VAT1L: variants seen among roughly 807,000 people sequenced by gnomAD.
VAT1L encodes the protein putative NADPH-dependent quinone oxidoreductase VAT1L.
Under a neutral mutation model 44.1 loss-of-function variants are expected in VAT1L, and 34 were observed. The observed-to-expected ratio is 0.77, with a 90% confidence interval of 0.59 to 1.03. VAT1L has a LOEUF of 1.03. VAT1L is among the 50% of genes least tolerant of loss of function. The pLI, the probability that VAT1L is intolerant of heterozygous loss-of-function variation, is 0.00. For synonymous variants in VAT1L, 253 were observed against 202.2 expected (o/e 1.25, Z -2.13); for missense variants, 615 against 538.8 (o/e 1.14, Z -1.40).
intron 7 of VAT1L, among the ~76,000 whole-genome samples, chr16:77,966,727 G>T (rs2018226489): frequency 6.6e-6 from 1 of 152,124 alleles, no homozygotes; most frequent in Non-Finnish European, 1.5e-5. Context: ...AACTCTTACT[G>T]AAATAGTTTG....
At chr16:77,806,080 C>G (rs917334433) in intron 1 of VAT1L, among the ~76,000 whole-genome samples, 2 of 151,724 alleles carry the variant, frequency 1.3e-5, no homozygotes, top group African/African-American at 4.8e-5. Flanking sequence ...TCAAGCTGGT[C>G]TTGAACTCCT....
At chr16:77,916,412 T>C (rs1376899167) in intron 7 of VAT1L, among the ~76,000 whole-genome samples, 2 of 152,198 alleles carry the variant, frequency 1.3e-5, no homozygotes, top group African/African-American at 2.4e-5. Flanking sequence ...GCTCTTGTCT[T>C]CTCCGCTTTT....
chr16:77,839,116 G>C lies in VAT1L; in HGVS notation c.579+13655G>C, dbSNP rs2016673461. Among the ~76,000 whole-genome samples the C allele has an allele frequency of 2.0e-5, 3 of 152,158 alleles. No homozygotes were observed. The South Asian group carries it at 6.2e-4, about 32-fold the overall frequency. ...GCTGCCGCAGAACATGAGGACGTAA[G>C]TGCCTGGTCTAGAGGACCCAAGATG... On this transcript the variant is annotated intron_variant, in intron 3 of 8. Coordinates refer to ENST00000302536, the MANE Select transcript of VAT1L (RefSeq NM_020927.3).
At chr16:77,808,154 T>C (rs1329074238) in intron 1 of VAT1L, among the ~76,000 whole-genome samples, 3 of 152,076 alleles carry the variant, frequency 2.0e-5, no homozygotes, top group Non-Finnish European at 2.9e-5. Flanking sequence ...TCACTCGCAT[T>C]ACCACCTGCA....
At chr16:77,824,276 A>G (rs926511276) in intron 2 of VAT1L, among the ~76,000 whole-genome samples, 3 of 152,176 alleles carry the variant, frequency 2.0e-5, no homozygotes, top group African/African-American at 7.2e-5. Flanking sequence ...CAGAGTTTCA[A>G]GGAATGGGTT....
intron 7 of VAT1L, among the ~76,000 whole-genome samples, chr16:77,906,571 A>T (rs1028669727): frequency 3.9e-5 from 6 of 152,218 alleles, no homozygotes. Flanking sequence ...AAAATGAAGG[A>T]AGGATGGGTT....
At chr16:77,968,850 G>A (rs1053536767) in intron 7 of VAT1L, among the ~76,000 whole-genome samples, 1 of 151,762 alleles carries the variant, frequency 6.6e-6, no homozygotes, top group African/African-American at 2.4e-5. Flanking sequence ...AGACAGTCTC[G>A]CTCTGTTGCC....
At chr16:77,909,732 CT>C (rs370164097) in intron 7 of VAT1L, among the ~76,000 whole-genome samples, 1 of 151,014 alleles carries the variant, frequency 6.6e-6, no homozygotes, top group African/African-American at 2.4e-5. Flanking sequence ...ACCAATCAAA[CT>C]TTGGTAGGTA....
rs945205905 is a variant in VAT1L, at chr16:77,870,348, A to C, written c.723-6022A>C. On this transcript the variant is annotated intron_variant, in intron 4 of 8. Transcript: ENST00000302536. ...GCTGTGGCACAGATGAGTTCTCAGAAAAAGGGATTCAGAAAGAGAAAACAG... is the reference window on the plus strand; with the variant it reads ...GCTGTGGCACAGATGAGTTCTCAGACAAAGGGATTCAGAAAGAGAAAACAG... 2.0e-5 allele frequency among the ~76,000 whole-genome samples: 3 copies of C among 152,250 alleles called. No individual in the cohort carries two copies. The East Asian group carries it at 5.8e-4, about 29-fold the overall frequency.
chr16:77,889,402 A>G (rs1283045126), intron 7 of VAT1L, among the ~76,000 whole-genome samples: 3 of 152,194 alleles, frequency 2.0e-5, no homozygotes, highest in African/African-American at 7.2e-5. Flanking sequence ...TAGTCTCACC[A>G]AACAGTTTAG....
At chr16:77,956,564 A>G (rs1030343290) in intron 7 of VAT1L, among the ~76,000 whole-genome samples, 17 of 152,062 alleles carry the variant, frequency 1.1e-4, no homozygotes, top group Non-Finnish European at 1.6e-4. Flanking sequence ...CATTTACCCA[A>G]TTTGGGGTTC....
chr16:77,864,013 G>A (rs914673516), intron 4 of VAT1L, among the ~76,000 whole-genome samples: 2 of 152,178 alleles, frequency 1.3e-5, no homozygotes, highest in African/African-American at 4.8e-5. Flanking sequence ...GCAGTCACCT[G>A]GGGGAATGAT....
At chr16:77,806,897 T>C (rs529363787) in intron 1 of VAT1L, among the ~76,000 whole-genome samples, 2 of 152,186 alleles carry the variant, frequency 1.3e-5, no homozygotes, top group South Asian at 4.2e-4. Context: ...CTCCCTTCCA[T>C]GGAAAGCTGG....
intron 7 of VAT1L, among the ~76,000 whole-genome samples, chr16:77,944,217 C>T (rs1453685393): frequency 6.6e-6 from 1 of 152,120 alleles, no homozygotes; most frequent in East Asian, 1.9e-4. Flanking sequence ...CAAATGTCAC[C>T]ATGCCAAGAA....
intron 3 of VAT1L, among the ~76,000 whole-genome samples, chr16:77,841,970 C>T (rs1344290109): frequency 6.6e-6 from 1 of 152,042 alleles, no homozygotes; most frequent in Non-Finnish European, 1.5e-5. Flanking sequence ...TCATGGCAAG[C>T]TCCACCTCCC....
chr16:77,889,720 A>G (rs1429423466), intron 7 of VAT1L, among the ~76,000 whole-genome samples: 1 of 152,264 alleles, frequency 6.6e-6, no homozygotes, highest in Non-Finnish European at 1.5e-5. Flanking sequence ...CAATTAGACA[A>G]TAACTTAGTA....
intron 7 of VAT1L, among the ~76,000 whole-genome samples, chr16:77,967,002 G>T (rs376564): frequency 6.7e-6 from 1 of 149,986 alleles, no homozygotes; most frequent in Non-Finnish European, 1.5e-5. Context: ...TCTCCCACGT[G>T]CTACTGAGCT....
intron 7 of VAT1L, among the ~76,000 whole-genome samples, chr16:77,930,161 C>T (rs1018241571): frequency 6.6e-6 from 1 of 152,136 alleles, no homozygotes; most frequent in Non-Finnish European, 1.5e-5. Context: ...CCATGTCTTC[C>T]TTGGAATGAA....
intron 7 of VAT1L, among the ~76,000 whole-genome samples, chr16:77,900,811 CAT>C (rs2017373425): frequency 6.6e-6 from 1 of 152,054 alleles, no homozygotes; most frequent in South Asian, 2.1e-4. Context: ...TACTCCCATA[CAT>C]CTTTTCCCTC....
Sources: gnomAD v4.1 joint callset for allele counts (sites outside exome capture counted in the v4.1 genomes callset) on GRCh38, gnomAD v4.1.1 for gene constraint, MANE v1.5 for transcripts, NCBI Gene and HGNC (gene_info 2026-07-23, HGNC 2026-07-21) for gene names.